The following IRAG2 variants were observed in gnomAD, a reference collection of about 807,000 sequenced individuals.
IRAG2 encodes lymphoid restricted membrane protein.
Under a neutral mutation model 69.9 loss-of-function variants are expected in IRAG2, and 45 were observed. The observed-to-expected ratio is 0.64, with a 90% confidence interval of 0.51 to 0.83. The LOEUF is 0.83. Among genes scored for constraint, IRAG2 ranks in the 40% least tolerant of loss-of-function variants. The pLI is 0.00. For missense variants in IRAG2, 520 were observed against 587.0 expected (o/e 0.89, Z 1.18); for synonymous variants, 193 against 202.4 (o/e 0.95, Z 0.40).
intron 8 of IRAG2, among the ~76,000 whole-genome samples, chr12:25,024,902 G>A (rs746881282): frequency 4.6e-5 from 7 of 152,168 alleles, no homozygotes; most frequent in Non-Finnish European, 7.3e-5. Context: ...ATAGAAGGAA[G>A]ATTGAAAGCC....
intron 16 of IRAG2, among the ~76,000 whole-genome samples, chr12:25,039,545 C>T (rs1944730218): frequency 6.6e-6 from 1 of 152,230 alleles, no homozygotes; most frequent in Admixed American, 6.5e-5. Flanking sequence ...ATTCTCCTGC[C>T]TCAGCCTCCC....
At chr12:25,031,340 T>A (rs1020930372) in intron 10 of IRAG2, among the ~76,000 whole-genome samples, 1 of 152,200 alleles carries the variant, frequency 6.6e-6, no homozygotes, top group Non-Finnish European at 1.5e-5. Context: ...TATTGATTGA[T>A]CATCTCCCAT....
rs575410692 is a variant in IRAG2 at position 25,104,096 on chromosome 12, C to T, written c.1046+38C>T. 46 of 1,559,882 alleles carry T rather than the reference C, an allele frequency of 2.9e-5. No homozygotes were observed. The African/African-American group carries it at 5.2e-4, about 17-fold the overall frequency. On this transcript the variant is annotated intron_variant, in intron 19 of 21. Coordinates refer to ENST00000556887, the MANE Select transcript of IRAG2 (RefSeq NM_001366544.2). The stretch of plus-strand genomic sequence containing the variant: ...TTATGGTTCCTCTTTGGGAACCTTA[C>T]TATTTTATACTTGGGCTAACCTAAA...
intron 13 of IRAG2, chr12:25,033,955 A>G: frequency 2.5e-6 from 1 of 399,020 alleles, no homozygotes; most frequent in Non-Finnish European, 4.4e-6. Context: ...GAGGTAGGTC[A>G]TTATAAGAAG....
At chr12:25,102,272 G>A (rs755677438) in intron 17 of IRAG2, 31 bp downstream of exon 17, 1 of 1,565,042 alleles carries the variant, frequency 6.4e-7, no homozygotes, top group Admixed American at 1.7e-5. Flanking sequence ...CAAATGTCTA[G>A]CAAATACTAT....
chr12:25,041,758 A>G (rs1450061818), intron 16 of IRAG2, among the ~76,000 whole-genome samples: 6 of 146,826 alleles, frequency 4.1e-5, no homozygotes, highest in African/African-American at 1.0e-4. Flanking sequence ...CTGCCCACCT[A>G]GGCCTCCCAA....
Position 25,077,400 on chromosome 12 carries a change from T to TATATGATATATATATGAA in IRAG2, c.25-1840_25-1839insGATATATATATGAAATAT, listed in dbSNP as rs1337536194. 1.8e-4 allele frequency among the ~76,000 whole-genome samples: 25 copies of TATATGATATATATATGAA among 137,448 alleles called. 2 individuals are homozygous for TATATGATATATATATGAA. The highest frequency in any genetic ancestry group is 3.7e-4 in the Non-Finnish European group (24 of 64,834). 90.2% of individuals were successfully genotyped at this position (137,448 alleles called of 152,430 possible). On this transcript the variant is annotated intron_variant, in intron 6 of 21. Coordinates refer to ENST00000556887, the MANE Select transcript of IRAG2 (RefSeq NM_001366544.2). The stretch of plus-strand genomic sequence containing the variant: ...ATATATATGATATATATATGAAATA[T>TATATGATATATATATGAA]ATATACACATAATAGTATAGTTAAA...
Position 25,088,109 on chromosome 12 carries a change from G to C in IRAG2, c.325G>C (p.Glu109Gln). 1 of 1,612,480 alleles carries C rather than the reference G, an allele frequency of 6.2e-7. No homozygotes were observed. Among genetic ancestry groups the C allele is most frequent in the Non-Finnish European group, 8.5e-7 (1 of 1,178,528 alleles). ...AATCTTATGATTTTAGGAAGCCAAA[G>C]AGGAACCAGAAACAATAGAAGAACA... ...DKTILNLEAK[E>Q]EPETIEEHKK... The change falls in exon 11 of 22, where the codon GAG (glutamate) becomes CAG (glutamine). Residue 109 changes from glutamate (E) to glutamine (Q), a missense_variant. Glu to Gln is a conservative substitution (Grantham distance 29). Transcript: ENST00000556887.
chr12:25,077,220 A>AATATATATATGATATATATGAAAT (rs10627418), intron 6 of IRAG2, among the ~76,000 whole-genome samples: 1,177 of 36,638 alleles, frequency 0.032, 111 homozygotes, highest in East Asian at 0.16. Context: ...ATATATATGA[A>AATATATATATGATATATATGAAAT]ATATATATGA....
chr12:25,015,158 T>TG (rs1196128988), intron 3 of IRAG2: 1 of 858,304 alleles, frequency 1.2e-6, no homozygotes, highest in Non-Finnish European at 1.5e-6. Context: ...TGGTTTTGTT[T>TG]TTTTTTTTTT....
At chr12:25,079,617 G>A (rs753760659) in intron 8 of IRAG2, 39 bp from the exon 9 acceptor site, 1 of 1,327,778 alleles carries the variant, frequency 7.5e-7, no homozygotes, top group South Asian at 1.2e-5. Context: ...ATAATATTAT[G>A]TGCATAGTAT....
intron 3 of IRAG2, among the ~76,000 whole-genome samples, chr12:25,011,744 C>T (rs540328342): frequency 6.6e-6 from 1 of 152,230 alleles, no homozygotes; most frequent in South Asian, 2.1e-4. Flanking sequence ...TGGGGTGAAG[C>T]CTGATAATTT....
chr12:25,067,825 AC>A (rs1468109842), intron 5 of IRAG2, among the ~76,000 whole-genome samples: 1 of 151,436 alleles, frequency 6.6e-6, no homozygotes, highest in East Asian at 1.9e-4. Context: ...CTGCCACCAC[AC>A]CCCGCTAATT....
intron 2 of IRAG2, among the ~76,000 whole-genome samples, chr12:25,006,638 T>C (rs908456575): frequency 1.1e-4 from 17 of 152,146 alleles, no homozygotes; most frequent in African/African-American, 4.1e-4. Flanking sequence ...AACCAAACAC[T>C]GCATGTTCTC....
intron 2 of IRAG2, among the ~76,000 whole-genome samples, chr12:25,008,920 T>TC (rs1211739385): frequency 6.6e-6 from 1 of 152,234 alleles, no homozygotes; most frequent in East Asian, 1.9e-4. Flanking sequence ...CCTGTCTGCA[T>TC]CAAAAAATTT....
At chr12:25,056,752 C>CTTGGATCAA (rs1945280911) in intron 1 of IRAG2, among the ~76,000 whole-genome samples, 1 of 152,144 alleles carries the variant, frequency 6.6e-6, no homozygotes, top group Non-Finnish European at 1.5e-5. Flanking sequence ...TTTCTTGGCA[C>CTTGGATCAA]TTGGATCTGG....
At chr12:25,082,117 GA>G (rs1368786035) in intron 9 of IRAG2, among the ~76,000 whole-genome samples, 3 of 152,108 alleles carry the variant, frequency 2.0e-5, no homozygotes, top group Admixed American at 1.3e-4. Flanking sequence ...TGGTCTCAAA[GA>G]AAAAGTTTTT....
chr12:25,066,948 C>T (rs547157403), intron 5 of IRAG2, among the ~76,000 whole-genome samples: 1 of 152,220 alleles, frequency 6.6e-6, no homozygotes, highest in South Asian at 2.1e-4. Context: ...CCACGCCCAG[C>T]CGAAAATTTA....
At chr12:25,015,163 T>C (rs867472794) in intron 3 of IRAG2, 24,786 of 1,196,756 alleles carry the variant, frequency 0.021, 167 homozygotes, top group Non-Finnish European at 0.022. Flanking sequence ...TTGTTTTTTT[T>C]TTTTTTTTTT....
Sources: gnomAD v4.1 joint callset for allele counts (sites outside exome capture counted in the v4.1 genomes callset) on GRCh38, gnomAD v4.1.1 for gene constraint, MANE v1.5 for transcripts, NCBI Gene and HGNC (gene_info 2026-07-23, HGNC 2026-07-21) for gene names.